Variants in ARMC2 observed in about 807,000 individuals in gnomAD.
ARMC2 encodes armadillo repeat containing 2, also known as armadillo repeat-containing protein 2.
In ARMC2, 67 loss-of-function variants were observed where a neutral mutation model predicts 90.3. That is an observed-to-expected ratio of 0.74 (90% CI 0.61 to 0.91). The LOEUF (loss-of-function observed/expected upper bound fraction) is 0.91. Ranked by LOEUF, ARMC2 falls within the 40% of genes least tolerant of loss-of-function variation. The probability of loss-of-function intolerance (pLI) is 0.00; values close to 1 mark genes in which losing one functional copy is unlikely to be tolerated. For missense variants in ARMC2, 920 were observed against 1,030.9 expected, an observed-to-expected ratio of 0.89 and a Z score of 1.47; for synonymous variants, 393 against 393.0, an observed-to-expected ratio of 1.00 and a Z score of 0.00.
intron 5 of ARMC2, among the ~76,000 whole-genome samples, chr6:108,887,368 G>A (rs966162828): frequency 6.6e-6 from 1 of 152,214 alleles, no homozygotes; most frequent in Non-Finnish European, 1.5e-5. Context: ...GGTTCTGGCT[G>A]TTCAGAGTGA....
chr6:108,874,680 A>G (rs1330955083), intron 4 of ARMC2, among the ~76,000 whole-genome samples: 1 of 152,128 alleles, frequency 6.6e-6, no homozygotes, highest in Non-Finnish European at 1.5e-5. Flanking sequence ...AGGTGGTGTG[A>G]ATTGAGCATC....
At chr6:108,977,711 C>G (rs549478314), downstream of ARMC2, among the ~76,000 whole-genome samples, 5 of 152,250 alleles carry the variant, frequency 3.3e-5, no homozygotes, top group African/African-American at 1.2e-4. Flanking sequence ...TTAGCTTCTT[C>G]CTGGTTTACC....
chr6:108,907,585 G>T (rs965656139), intron 8 of ARMC2: 17 of 1,518,060 alleles, frequency 1.1e-5, no homozygotes, highest in Non-Finnish European at 1.5e-5. Flanking sequence ...GTCGTGGGGT[G>T]GGGGGGTGCA....
At chr6:108,963,584 G>A (rs140157966) in intron 15 of ARMC2, among the ~76,000 whole-genome samples, 96 of 152,314 alleles carry the variant, frequency 6.3e-4, no homozygotes, top group East Asian at 5.4e-3. Context: ...TTTGCTCAGC[G>A]TCTGCTGAGG....
At chr6:108,907,591 G>C (rs1016785114) in intron 8 of ARMC2, 3 of 1,539,224 alleles carry the variant, frequency 1.9e-6, no homozygotes, top group South Asian at 2.3e-5. Flanking sequence ...GGGTGGGGGG[G>C]TGCAGAGCGT....
the ARMC2 span, chr6:109,001,473 T>TC: frequency 1.9e-6 from 3 of 1,613,012 alleles, no homozygotes; most frequent in Non-Finnish European, 2.5e-6. Flanking sequence ...GCGTCTTCAC[T>TC]CCCCACTTGG....
At chr6:108,987,836 A>C in the ARMC2 span, among the ~76,000 whole-genome samples, 3 of 133,880 alleles carry the variant, frequency 2.2e-5, no homozygotes, top group Middle Eastern at 4.1e-3. Context: ...GCACACTTTC[A>C]CTCTTTCCCA....
At chr6:108,988,759 C>T in the ARMC2 span, 4 of 1,228,138 alleles carry the variant, frequency 3.3e-6, no homozygotes, top group African/African-American at 4.6e-5. Flanking sequence ...AAAGTATACA[C>T]ATCAATAGTT....
At chr6:109,008,885 TC>T in the ARMC2 span, 1 of 986,346 alleles carries the variant, frequency 1.0e-6, no homozygotes, top group Non-Finnish European at 1.2e-6. Context: ...GTGTTTTTTT[TC>T]TTTCTCTCTC....
intron 13 of ARMC2, chr6:108,959,631 G>A (rs1373695873): frequency 1.3e-5 from 2 of 151,736 alleles, no homozygotes; most frequent in South Asian, 2.1e-4. Flanking sequence ...CAGTGTTGCC[G>A]GGCTCGTGAT....
intron 7 of ARMC2, among the ~76,000 whole-genome samples, 187 bp downstream of exon 7, chr6:108,899,979 C>T (rs766017190): frequency 1.6e-4 from 25 of 152,086 alleles, no homozygotes; most frequent in Non-Finnish European, 3.5e-4. Flanking sequence ...ATTACATGCA[C>T]ACATAATTTT....
the ARMC2 span, among the ~76,000 whole-genome samples, chr6:108,981,833 A>T: frequency 2.6e-5 from 4 of 151,626 alleles, no homozygotes; most frequent in Non-Finnish European, 5.9e-5. Flanking sequence ...TGCCTGGCTA[A>T]TTTTTGTATT....
intron 10 of ARMC2, among the ~76,000 whole-genome samples, chr6:108,925,312 C>T (rs1009555589): frequency 6.6e-6 from 1 of 152,166 alleles, no homozygotes; most frequent in African/African-American, 2.4e-5. Flanking sequence ...TCTGATATCC[C>T]AGTCTTTCCT....
At chr6:108,862,462 T>C (rs1364169178) in intron 3 of ARMC2, among the ~76,000 whole-genome samples, 3 of 152,194 alleles carry the variant, frequency 2.0e-5, no homozygotes, top group South Asian at 4.1e-4. Flanking sequence ...GTTGATGTTA[T>C]TGTGGATTAT....
intron 6 of ARMC2, among the ~76,000 whole-genome samples, chr6:108,897,012 G>A (rs1771675527): frequency 6.6e-6 from 1 of 152,126 alleles, no homozygotes; most frequent in African/African-American, 2.4e-5. Context: ...ATATGAGCAA[G>A]TATGTTTTTT....
At chr6:108,937,180 G>C (rs1776024276) in intron 12 of ARMC2, among the ~76,000 whole-genome samples, 181 bp downstream of exon 12, 1 of 152,140 alleles carries the variant, frequency 6.6e-6, no homozygotes, top group Non-Finnish European at 1.5e-5. Flanking sequence ...AGTTATATGA[G>C]TCAGAAATGA....
chr6:108,972,559 C>T (rs962852794), intron 17 of ARMC2, among the ~76,000 whole-genome samples: 5 of 152,278 alleles, frequency 3.3e-5, no homozygotes, highest in Admixed American at 2.0e-4. Flanking sequence ...AAGGAAGTAA[C>T]ATATTAATAC....
the ARMC2 span, among the ~76,000 whole-genome samples, chr6:109,039,115 G>A: frequency 6.7e-6 from 1 of 149,198 alleles, no homozygotes; most frequent in Non-Finnish European, 1.5e-5. Context: ...GAAGGAGAAG[G>A]AAGGAGGAGA....
the ARMC2 span, among the ~76,000 whole-genome samples, chr6:108,984,981 C>T: frequency 6.6e-6 from 1 of 152,104 alleles, no homozygotes; most frequent in Admixed American, 6.6e-5. Flanking sequence ...AGAATGAGGA[C>T]GTGGAGTTCC....
Sources: gnomAD v4.1 joint callset for allele counts (sites outside exome capture counted in the v4.1 genomes callset) on GRCh38, gnomAD v4.1.1 for gene constraint, MANE v1.5 for transcripts, NCBI Gene and HGNC (gene_info 2026-07-23, HGNC 2026-07-21) for gene names.